The following UROS variants were observed in gnomAD, a reference collection of about 807,000 sequenced individuals.
UROS encodes the protein uroporphyrinogen-III synthase.
UROS carries 18 observed loss-of-function variants against 33.0 expected under a neutral mutation model. The observed-to-expected ratio is 0.55, with a 90% CI of 0.38 to 0.81. UROS has a LOEUF of 0.81. UROS is among the 30% of genes least tolerant of loss of function. The pLI is 0.00. For missense variants in UROS, 293 were observed against 314.9 expected, an observed-to-expected ratio of 0.93 and a Z score of 0.53; for synonymous variants, 114 against 121.1, an observed-to-expected ratio of 0.94 and a Z score of 0.38.
Position 125,798,966 on chromosome 10 carries a change from C to T in UROS, c.395-821G>A, listed in dbSNP as rs983068939. ...TTTAGTAGAACCAGCCATTACCCCC[C>T]ACATCCATCCGTAAGACATAAGAAA... is the stretch of plus-strand genomic sequence containing the variant. On this transcript the variant is annotated intron_variant, in intron 6 of 9. Transcript: ENST00000368797. Among the ~76,000 whole-genome samples, 10 of 152,330 alleles carry T rather than the reference C, an allele frequency of 6.6e-5. 1 individual carries two copies. In the South Asian group the frequency reaches 1.7e-3, roughly 25 times the overall value.
chr10:125,796,638 G>A (rs540193151), intron 7 of UROS, among the ~76,000 whole-genome samples: 33 of 152,096 alleles, frequency 2.2e-4, no homozygotes, highest in African/African-American at 6.0e-4. Flanking sequence ...ATGGCCACGC[G>A]TCCCCTCTCT....
At chr10:125,816,568 A>G in intron 1 of UROS, 43 bp from the exon 2 acceptor site, 2 of 1,597,718 alleles carry the variant, frequency 1.3e-6, no homozygotes, top group Non-Finnish European at 1.7e-6. Flanking sequence ...GATCTCAAAG[A>G]CTCTTCCTAA....
intron 2 of UROS, 87 bp downstream of exon 2, chr10:125,816,350 G>A: frequency 6.2e-7 from 1 of 1,603,686 alleles, no homozygotes; most frequent in Non-Finnish European, 8.5e-7. Flanking sequence ...GTTCCTCTGA[G>A]GTTTTGCAAA....
downstream of UROS, among the ~76,000 whole-genome samples, chr10:125,787,102 T>C (rs575930266): frequency 8.5e-5 from 13 of 152,250 alleles, no homozygotes; most frequent in Non-Finnish European, 1.9e-4. Context: ...TCGCCAGAAC[T>C]GTTAATAGCC....
At chr10:125,786,278 CTTT>C (rs751762144), downstream of UROS, among the ~76,000 whole-genome samples, 3 of 138,506 alleles carry the variant, frequency 2.2e-5, no homozygotes, top group African/African-American at 5.3e-5. Context: ...GCACATGAAC[CTTT>C]TTTTTTTTTT....
rs969128880 is a variant in UROS at position 125,797,981 on chromosome 10, T to C, written c.475+84A>G. 10 of 1,520,648 alleles carry C rather than the reference T, an allele frequency of 6.6e-6. No homozygotes were observed. In the African/African-American group the frequency reaches 1.2e-4, roughly 19 times the overall value. 94.2% of individuals were successfully genotyped at this position (1,520,648 alleles called of 1,614,324 possible). A position where few individuals can be genotyped will look rare whatever the true frequency, so the allele number is the denominator to read the frequency against. ...GCCCTGCTCTCCCTTGTGTGCTCTC[T>C]GCAGGGCCACCCACTTCTATCACTG... On this transcript the variant is annotated intron_variant, in intron 7 of 9. Coordinates refer to ENST00000368797, the MANE Select transcript of UROS (RefSeq NM_000375.3).
rs557777678 is a variant in UROS at position 125,811,552 on chromosome 10, C to T, written c.319+662G>A. Among the ~76,000 whole-genome samples the T allele has an allele frequency of 5.3e-5, 8 of 152,286 alleles. No homozygotes were observed. In the East Asian group the frequency reaches 1.5e-3, roughly 29 times the overall value. On this transcript the variant is annotated intron_variant, in intron 5 of 9. Transcript: ENST00000368797. The stretch of plus-strand genomic sequence containing the variant: ...GTTTCTTCCCCAGCCTCATTTTGTT[C>T]TCTGGAAAATGTGCTTTTAATTCTT...
At chr10:125,788,444 A>T, downstream of UROS, 1 of 676,976 alleles carries the variant, frequency 1.5e-6, no homozygotes, top group Non-Finnish European at 1.8e-6. Flanking sequence ...TCCTTTTTAT[A>T]GAATGAATAA....
intron 4 of UROS, 148 bp from the exon 5 acceptor site, chr10:125,812,436 C>T: frequency 5.5e-6 from 4 of 726,386 alleles, no homozygotes; most frequent in Non-Finnish European, 9.2e-6. Flanking sequence ...AACTAAAATT[C>T]CATTTTCACT....
At chr10:125,817,616 T>C (rs1206310441) in intron 1 of UROS, among the ~76,000 whole-genome samples, 2 of 111,462 alleles carry the variant, frequency 1.8e-5, no homozygotes, top group Non-Finnish European at 3.8e-5. Flanking sequence ...TCAAAGAAGA[T>C]AAAAACAGCG....
downstream of UROS, among the ~76,000 whole-genome samples, chr10:125,786,600 A>C (rs11244647): frequency 0.44 from 67,047 of 151,822 alleles, 15,002 homozygotes; most frequent in Non-Finnish European, 0.47. Flanking sequence ...GACCTCCCAG[A>C]CCCTCAGATT....
chr10:125,803,779 CT>C (rs1431295486), intron 6 of UROS, among the ~76,000 whole-genome samples: 2 of 152,218 alleles, frequency 1.3e-5, no homozygotes, highest in African/African-American at 2.4e-5. Context: ...CCCACTGCCC[CT>C]GCCATGCTGT....
intron 1 of UROS, among the ~76,000 whole-genome samples, chr10:125,817,594 T>C (rs73381207): frequency 6.7e-6 from 1 of 150,226 alleles, no homozygotes; most frequent in Non-Finnish European, 1.5e-5. Flanking sequence ...AGCCTTAGGG[T>C]TGCTGAGTGA....
In UROS at chr10:125,816,559, A is replaced by G. The variant is rs1853344119; in HGVS notation, c.-26-34T>C. On this transcript the variant is annotated intron_variant, in intron 1 of 9. Coordinates refer to ENST00000368797, the MANE Select transcript of UROS (RefSeq NM_000375.3). ...GAGCAAGGAAACAGATCTTAATTAG[A>G]TCTCAAAGACTCTTCCTAAGCAATT... The G allele has an allele frequency of 3.1e-6, 5 of 1,607,508 alleles. No homozygotes were observed. In the East Asian group the frequency reaches 8.9e-5, roughly 29 times the overall value.
Position 125,798,129 on chromosome 10 carries a change from C to T in UROS, c.411G>A (p.Leu137=). The change falls in exon 7 of 10, where the codon CTG becomes CTA. Residue 137 remains leucine (L), a synonymous_variant. Transcript: ENST00000368797. ...GGTTTCCACAGGGAAATAGAAGAGG[C>T]AGTGCTGAGGACTCCCCTGTGAATA... ...EYICSRESSA[L]PLLFPCGNLK... The T allele has an allele frequency of 6.2e-7, 1 of 1,613,886 alleles. No homozygotes were observed. The highest frequency in any genetic ancestry group is 8.5e-7 in the Non-Finnish European group (1 of 1,179,810).
chr10:125,797,898 C>G (rs1197657149), intron 7 of UROS, among the ~76,000 whole-genome samples, 167 bp downstream of exon 7: 1 of 152,204 alleles, frequency 6.6e-6, no homozygotes, highest in African/African-American at 2.4e-5. Context: ...GCAGACTGCA[C>G]GTCCACTCTT....
In UROS at chr10:125,788,939, C is replaced by T; in HGVS notation, c.727G>A (p.Ala243Thr). 1 of 1,610,700 alleles carries T rather than the reference C, an allele frequency of 6.2e-7. No individual in the cohort carries two copies. Among genetic ancestry groups the T allele is most frequent in the Non-Finnish European group, 8.5e-7 (1 of 1,179,504 alleles). Residue 243 changes from alanine (A) to threonine (T), a missense_variant, in exon 10 of 10, where the codon GCA becomes ACA. By Grantham distance (58) the Ala-to-Thr change is moderately conservative. Coordinates refer to ENST00000368797, the MANE Select transcript of UROS (RefSeq NM_000375.3). ...AAQGLPVSCT[A>T]ESPTPQALAT... Reference sequence around the variant, plus strand: ...AGGGCTTGTGGCGTGGGGCTCTCTGCAGTGCAGCTTACAGGAAGGCCCTGG... The same window carrying T: ...AGGGCTTGTGGCGTGGGGCTCTCTGTAGTGCAGCTTACAGGAAGGCCCTGG...
In UROS at chr10:125,794,921, G is replaced by T; in HGVS notation, c.619C>A (p.His207Asn). The change falls in exon 9 of 10, where the codon CAC (histidine) becomes AAC (asparagine). Residue 207 changes from histidine (H) to asparagine (N), a missense_variant. Transcript: ENST00000368797. The part of the protein sequence containing the change: ...SPSGLTYSLK[H>N]IQELSGDNID... ...TTGTCACCAGATAACTCCTGAATGT[G>T]CTTGAGACTGTATGTGAGGCCAGAG... The T allele has an allele frequency of 6.8e-6, 11 of 1,614,178 alleles. No homozygotes were observed. Among genetic ancestry groups the T allele is most frequent in the Non-Finnish European group, 9.3e-6 (11 of 1,180,020 alleles).
chr10:125,805,066 T>C (rs1048111832), intron 6 of UROS, among the ~76,000 whole-genome samples: 1 of 152,322 alleles, frequency 6.6e-6, no homozygotes, highest in East Asian at 1.9e-4. Context: ...AGTCAATGCA[T>C]TAATACCTGA....
Sources: gnomAD v4.1 joint callset for allele counts (sites outside exome capture counted in the v4.1 genomes callset) on GRCh38, gnomAD v4.1.1 for gene constraint, MANE v1.5 for transcripts, NCBI Gene and HGNC (gene_info 2026-07-23, HGNC 2026-07-21) for gene names.